Variants in ANKFN1 observed in about 807,000 individuals in gnomAD.
The protein encoded by ANKFN1 is ankyrin repeat and fibronectin type III domain containing 1, also known as ankyrin repeat and fibronectin type-III domain-containing protein 1.
A neutral mutation model predicts 108.7 loss-of-function variants in ANKFN1; 74 were observed. The observed-to-expected ratio is 0.68, with a 90% confidence interval of 0.56 to 0.83. The LOEUF (loss-of-function observed/expected upper bound fraction) is 0.83, where lower values mean the gene tolerates loss of function less well. Ranked by LOEUF, ANKFN1 falls within the 40% of genes least tolerant of loss-of-function variation. ANKFN1 has a pLI of 0.00. For synonymous variants in ANKFN1, 547 were observed against 516.2 expected (o/e 1.06, Z -0.81); for missense variants, 1,505 against 1,382.3 (o/e 1.09, Z -1.41).
At chr17:56,364,307 AG>A (rs2046605048) in intron 6 of ANKFN1, among the ~76,000 whole-genome samples, 1 of 152,194 alleles carries the variant, frequency 6.6e-6, no homozygotes, top group Non-Finnish European at 1.5e-5. Flanking sequence ...TCAAAGTCTT[AG>A]TACCAAAAAT....
chr17:56,275,683 A>T (rs1011491596), intron 3 of ANKFN1, among the ~76,000 whole-genome samples: 11 of 152,166 alleles, frequency 7.2e-5, no homozygotes, highest in Non-Finnish European at 1.5e-4. Flanking sequence ...AAAGACTTTT[A>T]GGGTGAAGTC....
Position 56,189,170 on chromosome 17 carries a change from C to CTTTTTTTTT in ANKFN1, c.-70-23418_-70-23410dup, listed in dbSNP as rs532063852. Among the ~76,000 whole-genome samples the CTTTTTTTTT allele has an allele frequency of 9.8e-3, 834 of 85,220 alleles. 70 individuals are homozygous for CTTTTTTTTT. Among genetic ancestry groups the CTTTTTTTTT allele is most frequent in the Non-Finnish European group, 0.013 (681 of 52,114 alleles). The allele number at this position is 85,220 out of a possible 152,430, so 55.9% of individuals were successfully genotyped here. ...CCTAAGTAAGTAAATGTTGCCCTGA[C>CTTTTTTTTT]TTTTTTTTTTTTTTTTTTGAGACGG... On this transcript the variant is annotated intron_variant, in intron 1 of 20. Coordinates refer to ENST00000682825, the MANE Select transcript of ANKFN1 (RefSeq NM_001370326.1).
intron 4 of ANKFN1, among the ~76,000 whole-genome samples, chr17:56,070,579 C>CT (rs1905108933): frequency 7.2e-5 from 11 of 151,938 alleles, no homozygotes; most frequent in Admixed American, 6.6e-4. Context: ...ATGAATATAC[C>CT]TTTTTGGGGC....
At chr17:56,352,196 A>G (rs1471826133) in intron 5 of ANKFN1, among the ~76,000 whole-genome samples, 1 of 152,200 alleles carries the variant, frequency 6.6e-6, no homozygotes, top group East Asian at 1.9e-4. Context: ...TCTTGTAGCA[A>G]AGAAAACTGC....
intron 4 of ANKFN1, among the ~76,000 whole-genome samples, chr17:56,133,673 C>G (rs1206698527): frequency 6.6e-6 from 1 of 151,956 alleles, no homozygotes; most frequent in Non-Finnish European, 1.5e-5. Flanking sequence ...TCAGTCTGTA[C>G]CCACGAATGT....
chr17:56,222,237 C>T (rs1368194618), intron 2 of ANKFN1, among the ~76,000 whole-genome samples: 1 of 152,154 alleles, frequency 6.6e-6, no homozygotes, highest in African/African-American at 2.4e-5. Context: ...TTCCCCTACA[C>T]CCTCAGTTGA....
intron 4 of ANKFN1, among the ~76,000 whole-genome samples, chr17:56,118,445 A>G (rs1906406593): frequency 6.6e-6 from 1 of 152,162 alleles, no homozygotes; most frequent in Admixed American, 6.5e-5. Context: ...TCTGTCATAA[A>G]ATCAAATGGG....
intron 3 of ANKFN1, among the ~76,000 whole-genome samples, chr17:56,299,614 A>G (rs1158704950): frequency 1.3e-5 from 2 of 152,150 alleles, no homozygotes; most frequent in Non-Finnish European, 2.9e-5. Flanking sequence ...TGAATCACAG[A>G]TCTGTTCTTT....
intron 1 of ANKFN1, among the ~76,000 whole-genome samples, chr17:56,187,108 G>A (rs1015565984): frequency 9.9e-5 from 15 of 152,140 alleles, no homozygotes; most frequent in Middle Eastern, 3.4e-3. Flanking sequence ...ACTAAGGAGC[G>A]TCTGCACAAC....
intron 2 of ANKFN1, among the ~76,000 whole-genome samples, chr17:56,216,977 G>C (rs1257496148): frequency 6.6e-6 from 1 of 152,194 alleles, no homozygotes; most frequent in African/African-American, 2.4e-5. Flanking sequence ...AGAAAGAGAA[G>C]ATGACAATGG....
intron 1 of ANKFN1, among the ~76,000 whole-genome samples, chr17:56,211,913 G>T (rs564306709): frequency 5.9e-5 from 9 of 152,130 alleles, no homozygotes; most frequent in African/African-American, 1.9e-4. Context: ...GTCGCTCTTG[G>T]TGTATAGCAG....
intron 1 of ANKFN1, among the ~76,000 whole-genome samples, chr17:56,183,142 C>T (rs1260849812): frequency 6.6e-6 from 1 of 152,180 alleles, no homozygotes; most frequent in Non-Finnish European, 1.5e-5. Flanking sequence ...GCTAACACAG[C>T]ATCCATTCTG....
At chr17:56,412,280 G>A (rs1250665699) in intron 8 of ANKFN1, among the ~76,000 whole-genome samples, 1 of 152,100 alleles carries the variant, frequency 6.6e-6, no homozygotes, top group African/African-American at 2.4e-5. Flanking sequence ...GTTGTTCATA[G>A]TAGTCTGATC....
At chr17:56,491,464 T>C (rs1217970324) in intron 18 of ANKFN1, among the ~76,000 whole-genome samples, 1 of 152,184 alleles carries the variant, frequency 6.6e-6, no homozygotes, top group Non-Finnish European at 1.5e-5. Flanking sequence ...GGCTCAATCC[T>C]ACACTGCTCT....
intron 10 of ANKFN1, among the ~76,000 whole-genome samples, chr17:56,446,783 G>A (rs1424876504): frequency 2.6e-5 from 4 of 151,116 alleles, no homozygotes; most frequent in Admixed American, 2.0e-4. Context: ...ACACACCTGT[G>A]GTCCCCAGCT....
At chr17:56,249,250 A>G (rs1274726919) in intron 3 of ANKFN1, among the ~76,000 whole-genome samples, 1 of 152,104 alleles carries the variant, frequency 6.6e-6, no homozygotes, top group Non-Finnish European at 1.5e-5. Flanking sequence ...GCCTGGCAAC[A>G]TGGTGAAACT....
intron 14 of ANKFN1, chr17:56,463,812 C>T (rs1028134329): frequency 1.6e-4 from 25 of 152,186 alleles, no homozygotes; most frequent in African/African-American, 5.3e-4. Context: ...AAATTTTGCT[C>T]TTCTTTTTCA....
chr17:56,495,313 G>GTCTCTCTCTCTCTCTCTCTC (rs150627971), intron 19 of ANKFN1, among the ~76,000 whole-genome samples: 11 of 147,472 alleles, frequency 7.5e-5, no homozygotes, highest in Non-Finnish European at 1.3e-4. Context: ...TGACTTTGTG[G>GTCTCTCTCTCTCTCTCTCTC]TCTCTCTCTC....
chr17:56,092,467 G>GT (rs1367677022), intron 4 of ANKFN1, among the ~76,000 whole-genome samples: 10 of 150,624 alleles, frequency 6.6e-5, no homozygotes, highest in Non-Finnish European at 1.2e-4. Context: ...GTAGAGACAG[G>GT]TTTTCACTGT....
Sources: allele counts gnomAD v4.1 joint callset (sites outside exome capture counted in the v4.1 genomes callset), GRCh38; gene constraint gnomAD v4.1.1; transcripts MANE v1.5; gene names NCBI Gene and HGNC (gene_info 2026-07-23, HGNC 2026-07-21).